Variants in TMEM225B observed in about 807,000 individuals in gnomAD.
The protein encoded by TMEM225B is transmembrane protein 225B, also known as transmembrane protein 225-like.
TMEM225B carries 10 observed loss-of-function variants against 16.9 expected under a neutral mutation model. That is an observed-to-expected ratio of 0.59 (90% CI 0.36 to 1.00). TMEM225B has a LOEUF of 1.00. TMEM225B is among the 50% of genes least tolerant of loss of function. The pLI is 0.01. For synonymous variants in TMEM225B, 92 were observed against 109.8 expected (o/e 0.84, Z 1.01); for missense variants, 217 against 267.0 (o/e 0.81, Z 1.30).
rs115526747 is a variant in TMEM225B at position 99,610,850 on chromosome 7, C to T, written c.*285C>T. On this transcript the variant is annotated 3_prime_UTR_variant, in exon 6 of 6. Transcript: ENST00000431679. The stretch of plus-strand genomic sequence containing the variant: ...TCATCCATATCTCAAAAACCAAGTC[C>T]GCAGGGCAGGAGGGGAGGGAGGAAT... The T allele has an allele frequency of 5.4e-3, 1,562 of 291,054 alleles. 26 individuals carry two copies. The highest frequency in any genetic ancestry group is 0.03 in the African/African-American group (1,434 of 47,484). 18.0% of individuals were successfully genotyped at this position (291,054 alleles called of 1,614,324 possible).
intron 2 of TMEM225B, among the ~76,000 whole-genome samples, chr7:99,602,586 G>C (rs562658488): frequency 6.6e-6 from 1 of 152,270 alleles, no homozygotes; most frequent in Non-Finnish European, 1.5e-5. Flanking sequence ...GATGGGGAAA[G>C]CAAGGTCCTG....
intron 1 of TMEM225B, among the ~76,000 whole-genome samples, chr7:99,598,652 C>A (rs960511169): frequency 6.6e-6 from 1 of 152,196 alleles, no homozygotes; most frequent in African/African-American, 2.4e-5. Flanking sequence ...GGGAAGGAAC[C>A]TCTGACCCTA....
At chr7:99,610,057 G>A (rs1806213227) in intron 5 of TMEM225B, among the ~76,000 whole-genome samples, 1 of 152,132 alleles carries the variant, frequency 6.6e-6, no homozygotes, top group Admixed American at 6.5e-5. Context: ...TCTTATTCGT[G>A]TCAGTTGTCT....
chr7:99,607,874 TG>T, intron 5 of TMEM225B, 64 bp downstream of exon 5: 1 of 1,490,356 alleles, frequency 6.7e-7, no homozygotes, highest in Non-Finnish European at 8.9e-7. Flanking sequence ...ACCTGTCTTG[TG>T]GAGGCCCTCC....
chr7:99,599,877 G>T lies in TMEM225B; in HGVS notation c.-84-328G>T, dbSNP rs1348449320. On this transcript the variant is annotated intron_variant, in intron 1 of 5. Transcript: ENST00000431679. ...TCCCTCTCTCCAGCTCTCCATCTCT[G>T]CTTCTGTACAAAAGGATCTACCAAT... Among the ~76,000 whole-genome samples, 3 of 152,186 alleles carry T rather than the reference G, an allele frequency of 2.0e-5. No individual in the cohort carries two copies. In the South Asian group the frequency reaches 6.2e-4, roughly 31 times the overall value.
intron 4 of TMEM225B, 99 bp downstream of exon 4, chr7:99,606,993 A>C: frequency 5.8e-6 from 8 of 1,380,120 alleles, no homozygotes; most frequent in Non-Finnish European, 7.8e-6. Flanking sequence ...AAGAGGCATA[A>C]TTTTTCTTTT....
In TMEM225B at chr7:99,610,634, C is replaced by T. The variant is rs2151228182; in HGVS notation, c.*69C>T. The T allele has an allele frequency of 7.2e-7, 1 of 1,390,214 alleles. No homozygotes were observed. The highest frequency in any genetic ancestry group is 1.3e-5 in the South Asian group (1 of 76,896). The allele number at this position is 1,390,214 out of a possible 1,614,324, so 86.1% of individuals were successfully genotyped here. A position where few individuals can be genotyped will look rare whatever the true frequency, so the allele number is the denominator to read the frequency against. Reference sequence around the variant, plus strand: ...TACACATGTAGCTGTTTGTAGTCCTCCCCACCCTCTCTGCCAGTATCTGTG... The same window carrying T: ...TACACATGTAGCTGTTTGTAGTCCTTCCCACCCTCTCTGCCAGTATCTGTG... On this transcript the variant is annotated 3_prime_UTR_variant, in exon 6 of 6. Transcript: ENST00000431679.
At chr7:99,598,875 C>T (rs1226651092) in intron 1 of TMEM225B, among the ~76,000 whole-genome samples, 1 of 152,216 alleles carries the variant, frequency 6.6e-6, no homozygotes, top group African/African-American at 2.4e-5. Flanking sequence ...CCAGGAACCT[C>T]CTGCCAAGCC....
intron 5 of TMEM225B, among the ~76,000 whole-genome samples, chr7:99,608,300 G>A (rs2151218052): frequency 6.6e-6 from 1 of 152,126 alleles, no homozygotes; most frequent in South Asian, 2.1e-4. Context: ...AGCCATACTA[G>A]CCACATCACC....
At chr7:99,607,422 G>A (rs1805912270) in intron 4 of TMEM225B, among the ~76,000 whole-genome samples, 1 of 152,230 alleles carries the variant, frequency 6.6e-6, no homozygotes, top group Non-Finnish European at 1.5e-5. Flanking sequence ...CTAAGGTGCA[G>A]AGGTGAGCTA....
At chr7:99,606,059 A>ATT (rs1194496674) in intron 3 of TMEM225B, among the ~76,000 whole-genome samples, 1 of 152,212 alleles carries the variant, frequency 6.6e-6, no homozygotes, top group African/African-American at 2.4e-5. Flanking sequence ...CAAGAGTTTG[A>ATT]TTTTGTGTTG....
At position 99,604,385 on chromosome 7, in the gene TMEM225B, G is replaced by A. The variant is rs1805615881; in HGVS notation, c.-3-1G>A. ...TCCACGATCACTTTTCTCTTACACA[G>A]GTGATGCTGACGTTAGAGGACAAGG... On this transcript the variant is annotated splice_acceptor_variant, in intron 2 of 5. Coordinates refer to ENST00000431679, the MANE Select transcript of TMEM225B (RefSeq NM_001195541.3). LOFTEE classifies it low-confidence loss of function (5UTR_SPLICE). 1 of 1,534,790 alleles carries A rather than the reference G, an allele frequency of 6.5e-7. No individual in the cohort carries two copies. The highest frequency in any genetic ancestry group is 2.0e-5 in the Admixed American group (1 of 50,970).
intron 5 of TMEM225B, among the ~76,000 whole-genome samples, chr7:99,608,290 A>C (rs1367877901): frequency 6.6e-6 from 1 of 152,098 alleles, no homozygotes; most frequent in East Asian, 1.9e-4. Context: ...TCAGTTCCTC[A>C]GCCATACTAG....
In TMEM225B at chr7:99,607,755, C is replaced by T. The variant is rs1418311195; in HGVS notation, c.438C>T (p.Ser146=). The T allele has an allele frequency of 1.4e-5, 21 of 1,536,080 alleles. 1 individual carries two copies. Among genetic ancestry groups the T allele is most frequent in the South Asian group, 1.1e-4 (9 of 84,060 alleles). The change falls in exon 5 of 6, where the codon TCC becomes TCT. Residue 146 remains serine (S), a synonymous_variant. Coordinates refer to ENST00000431679, the MANE Select transcript of TMEM225B (RefSeq NM_001195541.3). ...TGAAGCTCGGCCCCCTGCAGTTCTC[C>T]GTGCTGTGGCCTTACTACGTGCTGG... is the stretch of plus-strand genomic sequence containing the variant. ...LRMKLGPLQF[S]VLWPYYVLGF...
chr7:99,608,921 C>T (rs1289125735), intron 5 of TMEM225B, among the ~76,000 whole-genome samples: 1 of 150,854 alleles, frequency 6.6e-6, no homozygotes, highest in Non-Finnish European at 1.5e-5. Flanking sequence ...CATCTCAGCA[C>T]TTCGGGAGGC....
intron 1 of TMEM225B, among the ~76,000 whole-genome samples, chr7:99,599,125 A>ATTTTTTTTTTT (rs769617190): frequency 3.5e-3 from 404 of 115,474 alleles, no homozygotes; most frequent in African/African-American, 7.4e-3. Flanking sequence ...CGCCTGGCTA[A>ATTTTTTTTTTT]TTTTTTTTTT....
chr7:99,602,107 TC>T (rs576293628), intron 2 of TMEM225B, among the ~76,000 whole-genome samples: 202 of 152,328 alleles, frequency 1.3e-3, no homozygotes, highest in African/African-American at 4.4e-3. Flanking sequence ...GGGGTGCACC[TC>T]CCTTGTCACA....
intron 3 of TMEM225B, among the ~76,000 whole-genome samples, chr7:99,605,040 CA>C (rs1033580448): frequency 6.6e-6 from 1 of 150,798 alleles, no homozygotes; most frequent in Non-Finnish European, 1.5e-5. Flanking sequence ...CAACAAAACA[CA>C]AAAAATTAAC....
At chr7:99,603,731 GT>G (rs1275895551) in intron 2 of TMEM225B, among the ~76,000 whole-genome samples, 2 of 149,498 alleles carry the variant, frequency 1.3e-5, no homozygotes, top group Non-Finnish European at 3.0e-5. Context: ...TAGAACTTTA[GT>G]TTTTTTCTTT....
Sources: allele counts gnomAD v4.1 joint callset (sites outside exome capture counted in the v4.1 genomes callset), GRCh38; gene constraint gnomAD v4.1.1; transcripts MANE v1.5; gene names NCBI Gene and HGNC (gene_info 2026-07-23, HGNC 2026-07-21).